ALPK2: variants seen among roughly 807,000 people sequenced by gnomAD.
ALPK2 encodes the protein alpha-protein kinase 2.
In ALPK2, 127 loss-of-function variants were observed where a neutral mutation model predicts 163.1. That is an observed-to-expected ratio of 0.78 (90% CI 0.67 to 0.90). The LOEUF is 0.90. Ranked by LOEUF, ALPK2 falls within the 40% of genes least tolerant of loss-of-function variation. The pLI is 0.00. For synonymous variants in ALPK2, 953 were observed against 959.1 expected, an observed-to-expected ratio of 0.99 and a Z score of 0.12; for missense variants, 2,360 against 2,589.6, an observed-to-expected ratio of 0.91 and a Z score of 1.92.
At chr18:58,484,041 A>T (rs937195387) in intron 12 of ALPK2, among the ~76,000 whole-genome samples, 2 of 152,154 alleles carry the variant, frequency 1.3e-5, no homozygotes, top group African/African-American at 4.8e-5. Flanking sequence ...AAATTCTGTG[A>T]TAGCAGAGGT....
chr18:58,600,936 C>T (rs1306066047), intron 3 of ALPK2, among the ~76,000 whole-genome samples: 1 of 152,186 alleles, frequency 6.6e-6, no homozygotes, highest in Non-Finnish European at 1.5e-5. Flanking sequence ...ATATTAAGTG[C>T]TCTTAATGTT....
At chr18:58,624,913 T>G (rs2052221662) in intron 1 of ALPK2, among the ~76,000 whole-genome samples, 1 of 152,230 alleles carries the variant, frequency 6.6e-6, no homozygotes, top group Non-Finnish European at 1.5e-5. Flanking sequence ...GATTAAATGA[T>G]TTAATCAAAA....
rs2144089194 is a variant in ALPK2 at position 58,481,535 on chromosome 18, A to G, written c.*288T>C. On this transcript the variant is annotated 3_prime_UTR_variant, in exon 13 of 13. Transcript: ENST00000361673. ...CATGTGCAAATACACAAATATACACATGATGTGAGGTTGGTAAAAATGCTA... is the reference window on the plus strand; with the variant it reads ...CATGTGCAAATACACAAATATACACGTGATGTGAGGTTGGTAAAAATGCTA... The G allele has an allele frequency of 4.7e-6, 2 of 422,806 alleles. No individual in the cohort carries two copies. The highest frequency in any genetic ancestry group is 8.7e-6 in the Non-Finnish European group (2 of 229,560). 26.2% of individuals were successfully genotyped at this position (422,806 alleles called of 1,614,324 possible).
At chr18:58,508,969 G>A (rs2051475407) in intron 10 of ALPK2, among the ~76,000 whole-genome samples, 1 of 150,620 alleles carries the variant, frequency 6.6e-6, no homozygotes. Context: ...GTGCCATGTT[G>A]GTGTGCTGCA....
At chr18:58,606,141 C>A (rs1217644626) in intron 3 of ALPK2, among the ~76,000 whole-genome samples, 1 of 152,162 alleles carries the variant, frequency 6.6e-6, no homozygotes, top group Non-Finnish European at 1.5e-5. Context: ...TGCAGTGGTG[C>A]AATCATAGCT....
At chr18:58,607,086 T>G (rs537854254) in intron 3 of ALPK2, among the ~76,000 whole-genome samples, 2 of 152,318 alleles carry the variant, frequency 1.3e-5, no homozygotes, top group African/African-American at 4.8e-5. Flanking sequence ...TGAACAAAAT[T>G]CTAGATAAAG....
chr18:58,522,673 C>G (rs572514650), intron 8 of ALPK2, among the ~76,000 whole-genome samples: 1 of 152,268 alleles, frequency 6.6e-6, no homozygotes, highest in African/African-American at 2.4e-5. Flanking sequence ...ATTGAACAAA[C>G]AAAACAAGCT....
chr18:58,623,759 G>A (rs7239070), intron 1 of ALPK2, among the ~76,000 whole-genome samples: 5,584 of 152,296 alleles, frequency 0.037, 313 homozygotes, highest in African/African-American at 0.13. Flanking sequence ...TCACGCCACC[G>A]TGCCTGGCTG....
At chr18:58,592,318 A>G (rs1156493083) in intron 3 of ALPK2, among the ~76,000 whole-genome samples, 1 of 152,238 alleles carries the variant, frequency 6.6e-6, no homozygotes, top group Non-Finnish European at 1.5e-5. Flanking sequence ...ATCCAGTGTC[A>G]TTGAATTCCA....
At position 58,536,897 on chromosome 18, in the gene ALPK2, C is replaced by T; in HGVS notation, c.3290G>A (p.Ser1097Asn). ...GTTATCAACCTGAAGAGGGGAATTA[C>T]TGCAGAAACCCTCTCCCTCTGGGAG... ...LQLPEGEGFCSNSPLQVDNLS... is the reference protein window; with the variant it reads ...LQLPEGEGFCNNSPLQVDNLS... Residue 1097 changes from serine to asparagine, a missense_variant, in exon 5 of 13, where the codon AGT becomes AAT. Physicochemically the swap from Ser to Asn is conservative, Grantham distance 46. Coordinates refer to ENST00000361673, the MANE Select transcript of ALPK2 (RefSeq NM_052947.4). The T allele has an allele frequency of 1.2e-6, 2 of 1,614,218 alleles. No homozygotes were observed. The highest frequency in any genetic ancestry group is 2.2e-5 in the South Asian group (2 of 91,086).
intron 2 of ALPK2, among the ~76,000 whole-genome samples, chr18:58,610,328 C>T (rs2052122022): frequency 6.6e-6 from 1 of 151,266 alleles, no homozygotes; most frequent in Non-Finnish European, 1.5e-5. Flanking sequence ...TTCTGTCTGC[C>T]CTCAAGAAAC....
chr18:58,596,681 G>A (rs773126466), intron 3 of ALPK2, among the ~76,000 whole-genome samples: 1 of 152,226 alleles, frequency 6.6e-6, no homozygotes, highest in Non-Finnish European at 1.5e-5. Context: ...CCACCAACAA[G>A]CCACAGTTCA....
Position 58,579,841 on chromosome 18 carries a change from G to A in ALPK2, c.935C>T (p.Pro312Leu), listed in dbSNP as rs751628401. ...CTCGGTGTAGGTTAGGGTTATCTCTGGGCAAAGTTCATAGTCACTGTCAGA... is the reference window on the plus strand; with the variant it reads ...CTCGGTGTAGGTTAGGGTTATCTCTAGGCAAAGTTCATAGTCACTGTCAGA... Reference protein sequence around the residue: ...EDSDSDYELCPEITLTYTEEF... With the variant: ...EDSDSDYELCLEITLTYTEEF... The change falls in exon 4 of 13, where the codon CCA becomes CTA. Residue 312 changes from proline to leucine, a missense_variant. Transcript: ENST00000361673. 4 of 1,614,182 alleles carry A rather than the reference G, an allele frequency of 2.5e-6. No individual in the cohort carries two copies. The South Asian group carries it at 4.4e-5, about 18-fold the overall frequency.
chr18:58,506,262 G>C (rs2051461382), intron 10 of ALPK2, among the ~76,000 whole-genome samples: 1 of 151,680 alleles, frequency 6.6e-6, no homozygotes, highest in East Asian at 1.9e-4. Context: ...TACCTATTGG[G>C]TGCCATGTTC....
At chr18:58,562,738 T>TA (rs1214960526) in intron 4 of ALPK2, among the ~76,000 whole-genome samples, 1 of 152,212 alleles carries the variant, frequency 6.6e-6, no homozygotes, top group African/African-American at 2.4e-5. Context: ...TTCTTCTAGT[T>TA]ATGGAAGCTG....
intron 12 of ALPK2, among the ~76,000 whole-genome samples, chr18:58,492,893 G>A (rs1366098051): frequency 3.3e-5 from 5 of 152,176 alleles, no homozygotes; most frequent in African/African-American, 1.2e-4. Context: ...TTGGGCCTGG[G>A]AGACTCCCCC....
intron 12 of ALPK2, among the ~76,000 whole-genome samples, chr18:58,487,339 T>G (rs4365374): frequency 0.3 from 45,875 of 151,926 alleles, 8,029 homozygotes; most frequent in East Asian, 0.78. Context: ...ACTCCAAGGA[T>G]TGCCAGCAAA....
chr18:58,488,100 T>G (rs143857943), intron 12 of ALPK2, among the ~76,000 whole-genome samples: 329 of 99,760 alleles, frequency 3.3e-3, no homozygotes, highest in African/African-American at 0.012. Context: ...GATAAACTAC[T>G]CAAAAGTGGT....
intron 3 of ALPK2, among the ~76,000 whole-genome samples, chr18:58,594,095 T>C (rs572038819): frequency 1.3e-5 from 2 of 152,018 alleles, no homozygotes; most frequent in East Asian, 1.9e-4. Context: ...TCTTGTACAA[T>C]AGCGAACACG....
Sources: allele counts gnomAD v4.1 joint callset (sites outside exome capture counted in the v4.1 genomes callset), GRCh38; gene constraint gnomAD v4.1.1; transcripts MANE v1.5; gene names NCBI Gene and HGNC (gene_info 2026-07-23, HGNC 2026-07-21).